Variants in EYA2 observed in about 807,000 individuals in gnomAD.
EYA2 encodes the protein EYA transcriptional coactivator and phosphatase 2.
Under a neutral mutation model 69.2 loss-of-function variants are expected in EYA2, and 31 were observed. That is an observed-to-expected ratio of 0.45 (90% CI 0.34 to 0.60). The LOEUF (loss-of-function observed/expected upper bound fraction) is 0.60, where lower values mean the gene tolerates loss of function less well. EYA2 is among the 20% of genes least tolerant of loss of function. The probability of loss-of-function intolerance (pLI) is 0.02; values close to 1 mark genes in which losing one functional copy is unlikely to be tolerated. For missense variants in EYA2, 622 were observed against 701.2 expected (o/e 0.89, Z 1.28); for synonymous variants, 257 against 279.4 (o/e 0.92, Z 0.80).
At chr20:47,145,623 G>A (rs1460716918) in intron 10 of EYA2, among the ~76,000 whole-genome samples, 4 of 152,194 alleles carry the variant, frequency 2.6e-5, no homozygotes, top group African/African-American at 9.7e-5. Context: ...TGTGGTCTGG[G>A]CATGGTGGCT....
chr20:46,897,975 G>A (rs750486544), intron 1 of EYA2, among the ~76,000 whole-genome samples: 3 of 152,110 alleles, frequency 2.0e-5, no homozygotes, highest in South Asian at 2.1e-4. Context: ...TTGGTGTCAC[G>A]TGCGGGGCAG....
At chr20:47,155,336 G>A (rs2033902325) in intron 10 of EYA2, among the ~76,000 whole-genome samples, 1 of 152,006 alleles carries the variant, frequency 6.6e-6, no homozygotes, top group Non-Finnish European at 1.5e-5. Flanking sequence ...TCAAAGCAAT[G>A]TGCAAGGGAT....
intron 2 of EYA2, 55 bp from the exon 3 acceptor site, chr20:47,001,373 G>A: frequency 6.5e-7 from 1 of 1,529,668 alleles, no homozygotes; most frequent in Non-Finnish European, 9.1e-7. Flanking sequence ...CACCACCTCT[G>A]CAGAACATCA....
chr20:47,161,172 C>T, intron 10 of EYA2: 1 of 394,554 alleles, frequency 2.5e-6, no homozygotes, highest in South Asian at 2.5e-5. Context: ...CCACAGTGGC[C>T]TGTCACCTTA....
intron 1 of EYA2, among the ~76,000 whole-genome samples, chr20:46,961,067 G>T (rs1979445361): frequency 6.6e-6 from 1 of 152,204 alleles, no homozygotes; most frequent in Non-Finnish European, 1.5e-5. Context: ...GAGCACAGTG[G>T]CTCATGCCTG....
At chr20:46,903,808 T>TA (rs11482825) in intron 1 of EYA2, among the ~76,000 whole-genome samples, 33,604 of 152,062 alleles carry the variant, frequency 0.22, 4,942 homozygotes, top group Non-Finnish European at 0.32. Context: ...GCAAATTACT[T>TA]AGACTCTTTG....
chr20:46,935,930 A>G (rs959643446), intron 1 of EYA2, among the ~76,000 whole-genome samples: 1 of 152,178 alleles, frequency 6.6e-6, no homozygotes, highest in Non-Finnish European at 1.5e-5. Flanking sequence ...CTGAAATGCA[A>G]AATACTCCAA....
At chr20:46,910,266 A>G (rs891560046) in intron 1 of EYA2, among the ~76,000 whole-genome samples, 1 of 152,196 alleles carries the variant, frequency 6.6e-6, no homozygotes, top group South Asian at 2.1e-4. Flanking sequence ...CACGACTTAC[A>G]TGGTGGAGCA....
intron 5 of EYA2, among the ~76,000 whole-genome samples, chr20:47,063,373 TTGTGTGTGTGTGCGTGTGCGTGTGTGTG>T (rs1375987131): frequency 2.2e-5 from 3 of 137,012 alleles, no homozygotes; most frequent in Non-Finnish European, 3.1e-5. Context: ...TTGGGTTTAT[TTGTGTGTGTGTGCGTGTGCGTGTGTGTG>T]TGTGTGTGTG....
chr20:47,006,263 G>A (rs149705312), intron 4 of EYA2, among the ~76,000 whole-genome samples: 12 of 152,340 alleles, frequency 7.9e-5, no homozygotes, highest in African/African-American at 2.9e-4. Context: ...ATGTCCACCC[G>A]CAGGACCAGG....
At position 47,017,184 on chromosome 20, in the gene EYA2, G is replaced by T. The variant is rs191379492; in HGVS notation, c.415+887G>T. 1.4e-3 allele frequency among the ~76,000 whole-genome samples: 219 copies of T among 152,162 alleles called. 1 individual carries two copies. Among genetic ancestry groups the T allele is most frequent in the African/African-American group, 5.1e-3 (212 of 41,420 alleles). ...CCCTTGGGAGCATGCTGGAGTTGATGCATGGAGCAGGGGGCTGGTGGCTGT... is the reference window on the plus strand; with the variant it reads ...CCCTTGGGAGCATGCTGGAGTTGATTCATGGAGCAGGGGGCTGGTGGCTGT... On this transcript the variant is annotated intron_variant, in intron 5 of 15. Coordinates refer to ENST00000327619, the MANE Select transcript of EYA2 (RefSeq NM_005244.5).
At chr20:47,106,093 T>G (rs1284987850) in intron 9 of EYA2, among the ~76,000 whole-genome samples, 1 of 151,654 alleles carries the variant, frequency 6.6e-6, no homozygotes, top group Non-Finnish European at 1.5e-5. Context: ...TGTGTTTTGT[T>G]TTTTGTTTTT....
At chr20:46,951,583 C>G (rs190748647) in intron 1 of EYA2, among the ~76,000 whole-genome samples, 1 of 152,296 alleles carries the variant, frequency 6.6e-6, no homozygotes, top group African/African-American at 2.4e-5. Flanking sequence ...GAAGGGCAAC[C>G]GGGCTATGCA....
chr20:47,157,353 CAAAAAAAA>C (rs57425490), intron 10 of EYA2, among the ~76,000 whole-genome samples: 7 of 60,774 alleles, frequency 1.2e-4, no homozygotes, highest in South Asian at 7.1e-4. Flanking sequence ...GACTCCGTCT[CAAAAAAAA>C]AAAAAAAAAA....
chr20:47,152,384 C>CTT (rs201890248), intron 10 of EYA2, among the ~76,000 whole-genome samples: 28 of 142,088 alleles, frequency 2.0e-4, no homozygotes, highest in South Asian at 9.3e-4. Flanking sequence ...GGGAGTGTAC[C>CTT]TTTTTTTTTT....
At chr20:47,023,025 G>A (rs1332740118) in intron 5 of EYA2, among the ~76,000 whole-genome samples, 1 of 151,110 alleles carries the variant, frequency 6.6e-6, no homozygotes, top group African/African-American at 2.4e-5. Flanking sequence ...CCCTCCCTCC[G>A]ATATATTCCT....
chr20:47,103,953 G>T (rs999004311), intron 9 of EYA2, among the ~76,000 whole-genome samples: 8 of 152,202 alleles, frequency 5.3e-5, no homozygotes, highest in Non-Finnish European at 1.0e-4. Context: ...TTAGGTATAT[G>T]CCTAGGAGTA....
At chr20:47,077,546 G>A (rs1297251945) in intron 7 of EYA2, among the ~76,000 whole-genome samples, 1 of 152,154 alleles carries the variant, frequency 6.6e-6, no homozygotes, top group African/African-American at 2.4e-5. Flanking sequence ...GTTAGAAAAG[G>A]AACAATAGGG....
At chr20:47,002,395 C>T (rs577705603) in intron 3 of EYA2, among the ~76,000 whole-genome samples, 28 of 152,236 alleles carry the variant, frequency 1.8e-4, no homozygotes, top group East Asian at 5.8e-4. Context: ...TGTGTTGTAC[C>T]CCTCCCTGTG....
Sources: gnomAD v4.1 joint callset for allele counts (sites outside exome capture counted in the v4.1 genomes callset) on GRCh38, gnomAD v4.1.1 for gene constraint, MANE v1.5 for transcripts, NCBI Gene and HGNC (gene_info 2026-07-23, HGNC 2026-07-21) for gene names.